Variants in DNAH7 observed in about 807,000 individuals in gnomAD.
The protein encoded by DNAH7 is dynein axonemal heavy chain 7.
A neutral mutation model predicts 444.6 loss-of-function variants in DNAH7; 397 were observed. That is an observed-to-expected ratio of 0.89 (90% CI 0.82 to 0.97). The LOEUF (loss-of-function observed/expected upper bound fraction) is 0.97, where lower values mean the gene tolerates loss of function less well. Among genes scored for constraint, DNAH7 ranks in the 50% least tolerant of loss-of-function variants. The probability of loss-of-function intolerance (pLI) is 0.00; values close to 1 mark genes in which losing one functional copy is unlikely to be tolerated. For missense variants in DNAH7, 4,902 were observed against 4,800.8 expected (o/e 1.02, Z -0.62); for synonymous variants, 1,636 against 1,624.4 (o/e 1.01, Z -0.17).
intron 5 of DNAH7, among the ~76,000 whole-genome samples, chr2:196,043,474 A>C (rs1401061592): frequency 6.6e-6 from 1 of 152,174 alleles, no homozygotes; most frequent in Non-Finnish European, 1.5e-5. Flanking sequence ...AGAAGATTAC[A>C]TCAGAAAAAC....
At chr2:195,866,179 C>A (rs909453360) in intron 40 of DNAH7, among the ~76,000 whole-genome samples, 8 of 152,148 alleles carry the variant, frequency 5.3e-5, no homozygotes, top group East Asian at 1.9e-4. Context: ...ACCTACCTCG[C>A]AAATCTCATA....
intron 40 of DNAH7, among the ~76,000 whole-genome samples, chr2:195,866,703 A>C (rs1700361793): frequency 6.6e-6 from 1 of 152,256 alleles, no homozygotes; most frequent in Admixed American, 6.5e-5. Flanking sequence ...TGTTGACTTA[A>C]AAACACAGAG....
At chr2:196,067,583 C>G (rs922540861) in intron 1 of DNAH7, among the ~76,000 whole-genome samples, 3 of 151,986 alleles carry the variant, frequency 2.0e-5, no homozygotes, top group Non-Finnish European at 2.9e-5. Context: ...TAAAAAGGTT[C>G]AAACCAAATT....
rs565888904 is a variant in DNAH7 at position 195,801,173 on chromosome 2, T to A, written c.10177-1701A>T. 2.6e-5 allele frequency among the ~76,000 whole-genome samples: 4 copies of A among 152,302 alleles called. No homozygotes were observed. In the South Asian group the frequency reaches 8.3e-4, roughly 32 times the overall value. On this transcript the variant is annotated intron_variant, in intron 54 of 64. Coordinates refer to ENST00000312428, the MANE Select transcript of DNAH7 (RefSeq NM_018897.3). ...AACCATGAGTTTCTAATCTCTCTTCTTTATAAGTGACGAAGCCTTAGGTTG... is the reference window on the plus strand; with the variant it reads ...AACCATGAGTTTCTAATCTCTCTTCATTATAAGTGACGAAGCCTTAGGTTG...
intron 63 of DNAH7, among the ~76,000 whole-genome samples, chr2:195,750,235 A>G (rs1411654597): frequency 2.0e-5 from 3 of 152,184 alleles, no homozygotes; most frequent in African/African-American, 7.2e-5. Flanking sequence ...AAATTAGTAA[A>G]TCAACGTAAA....
At chr2:195,950,462 T>A (rs1411069716) in intron 19 of DNAH7, among the ~76,000 whole-genome samples, 1 of 152,146 alleles carries the variant, frequency 6.6e-6, no homozygotes, top group South Asian at 2.1e-4. Context: ...ATATCCCCTT[T>A]ATCATTTTTT....
intron 57 of DNAH7, among the ~76,000 whole-genome samples, chr2:195,789,752 A>G (rs1374477357): frequency 1.3e-5 from 2 of 152,124 alleles, no homozygotes; most frequent in African/African-American, 2.4e-5. Context: ...ACCTGAATCT[A>G]ATCATGAGAA....
intron 15 of DNAH7, among the ~76,000 whole-genome samples, chr2:195,979,247 C>CA (rs34487835): frequency 2.0e-5 from 3 of 151,916 alleles, no homozygotes; most frequent in Admixed American, 6.6e-5. Context: ...TTAAAACTTT[C>CA]AAAAAATTGA....
chr2:196,023,346 G>C (rs573000725), intron 8 of DNAH7, among the ~76,000 whole-genome samples: 1 of 152,292 alleles, frequency 6.6e-6, no homozygotes, highest in South Asian at 2.1e-4. Context: ...GAGCAACTGT[G>C]AGCCAACTAA....
intron 12 of DNAH7, among the ~76,000 whole-genome samples, chr2:195,996,342 A>G (rs370189199): frequency 1.3e-5 from 2 of 152,214 alleles, no homozygotes; most frequent in African/African-American, 4.8e-5. Flanking sequence ...ATAAGCAAAC[A>G]AATCTTAACA....
Position 195,923,733 on chromosome 2 carries a change from G to T in DNAH7, c.3687C>A (p.Ser1229=). 6.2e-7 allele frequency: 1 copy of T among 1,614,032 alleles called. No individual in the cohort carries two copies. The highest frequency in any genetic ancestry group is 1.1e-5 in the South Asian group (1 of 91,078). The change falls in exon 23 of 65, where the codon TCC becomes TCA. Residue 1229 remains serine, a synonymous_variant. Transcript: ENST00000312428. ...DIVTLVRGKL[S]MQNRVTLGAL... ...CTCCCAGAGTTACGCGATTCTGCATGGACAATTTGCCACGCACCAAAGTGA... is the reference window on the plus strand; with the variant it reads ...CTCCCAGAGTTACGCGATTCTGCATTGACAATTTGCCACGCACCAAAGTGA...
intron 61 of DNAH7, 37 bp from the exon 62 acceptor site, chr2:195,756,322 A>G (rs1284360013): frequency 6.7e-7 from 1 of 1,488,268 alleles, no homozygotes. Context: ...ATAATAGTAT[A>G]GATTATGATA....
chr2:195,961,013 T>A lies in DNAH7; in HGVS notation c.2206-68A>T, dbSNP rs200743909. On this transcript the variant is annotated intron_variant, in intron 17 of 64. Transcript: ENST00000312428. The stretch of plus-strand genomic sequence containing the variant: ...AATGATACTGCAAATTAAGTTTTTT[T>A]AAATATCTATTTCAAATGTGAGCCA... 25 of 1,293,528 alleles carry A rather than the reference T, an allele frequency of 1.9e-5. No homozygotes were observed. The East Asian group carries it at 2.4e-4, about 12-fold the overall frequency. 80.1% of individuals were successfully genotyped at this position (1,293,528 alleles called of 1,614,324 possible). A position where few individuals can be genotyped will look rare whatever the true frequency, so the allele number is the denominator to read the frequency against.
In DNAH7 at chr2:196,000,564, A is replaced by G. The variant is rs1011125003; in HGVS notation, c.1353+140T>C. The G allele has an allele frequency of 3.4e-5, 24 of 702,748 alleles. 1 individual carries two copies. Among genetic ancestry groups the G allele is most frequent in the South Asian group, 2.5e-4 (6 of 24,304 alleles). The allele number at this position is 702,748 out of a possible 1,614,324, so 43.5% of individuals were successfully genotyped here. On this transcript the variant is annotated intron_variant, in intron 12 of 64. Coordinates refer to ENST00000312428, the MANE Select transcript of DNAH7 (RefSeq NM_018897.3). Reference sequence around the variant, plus strand: ...TTTGAGAGGCCATTTGGAAAATGGTAGTTTTTTAGGAAAACTTTCTTATAA... The same window carrying G: ...TTTGAGAGGCCATTTGGAAAATGGTGGTTTTTTAGGAAAACTTTCTTATAA...
intron 24 of DNAH7, among the ~76,000 whole-genome samples, chr2:195,918,726 T>A (rs1316103623): frequency 6.6e-6 from 1 of 152,160 alleles, no homozygotes; most frequent in Non-Finnish European, 1.5e-5. Flanking sequence ...TGGTCAGTGG[T>A]CGACAGGGGT....
chr2:196,056,772 C>T (rs753617259), intron 2 of DNAH7, among the ~76,000 whole-genome samples: 2 of 152,128 alleles, frequency 1.3e-5, no homozygotes, highest in Non-Finnish European at 2.9e-5. Flanking sequence ...CTTATTATTG[C>T]GTCTCAAATA....
chr2:195,916,875 G>A (rs867487131), intron 24 of DNAH7, among the ~76,000 whole-genome samples: 4 of 151,652 alleles, frequency 2.6e-5, no homozygotes, highest in African/African-American at 4.8e-5. Context: ...GGAGGCGGGC[G>A]GATCACGAGG....
chr2:195,972,437 A>T lies in DNAH7; in HGVS notation c.1863T>A (p.Asp621Glu). Residue 621 changes from aspartate to glutamate, a missense_variant, in exon 16 of 65, where the codon GAT becomes GAA. By Grantham distance (45) the Asp-to-Glu change is conservative. Coordinates refer to ENST00000312428, the MANE Select transcript of DNAH7 (RefSeq NM_018897.3). ...CTAATCTCTGTTCTAGTTCAATCAT[A>T]TCAGTTACCTCCACTTTCTGAATGT... is the stretch of plus-strand genomic sequence containing the variant. ...KAYIQKVEVT[D>E]MIELEQRLVD... The T allele has an allele frequency of 6.2e-7, 1 of 1,614,124 alleles. No individual in the cohort carries two copies. Among genetic ancestry groups the T allele is most frequent in the Non-Finnish European group, 8.5e-7 (1 of 1,179,994 alleles).
At chr2:195,749,305 T>C (rs937878381) in intron 63 of DNAH7, among the ~76,000 whole-genome samples, 1 of 151,492 alleles carries the variant, frequency 6.6e-6, no homozygotes, top group Non-Finnish European at 1.5e-5. Context: ...CCAGTTAGAA[T>C]GGCAATCATT....
Sources: gnomAD v4.1 joint callset for allele counts (sites outside exome capture counted in the v4.1 genomes callset) on GRCh38, gnomAD v4.1.1 for gene constraint, MANE v1.5 for transcripts, NCBI Gene and HGNC (gene_info 2026-07-23, HGNC 2026-07-21) for gene names.